CRHBP: variants seen among roughly 807,000 people sequenced by gnomAD.
The protein encoded by CRHBP is corticotropin-releasing hormone-binding protein.
A neutral mutation model predicts 34.9 loss-of-function variants in CRHBP; 19 were observed. That is an observed-to-expected ratio of 0.55 (90% confidence interval 0.38 to 0.80). The LOEUF is 0.80. CRHBP is among the 30% of genes least tolerant of loss of function. CRHBP has a pLI of 0.00. For synonymous variants in CRHBP, 154 were observed against 153.4 expected (o/e 1.00, Z -0.03); for missense variants, 328 against 409.2 (o/e 0.80, Z 1.71).
intron 6 of CRHBP, among the ~76,000 whole-genome samples, chr5:76,967,806 C>A (rs537838869): frequency 6.6e-6 from 1 of 151,710 alleles, no homozygotes; most frequent in African/African-American, 2.4e-5. Context: ...TCAAGCAATT[C>A]TTCTGCCTCA....
intron 3 of CRHBP, among the ~76,000 whole-genome samples, chr5:76,978,182 T>C (rs984972557): frequency 1.3e-5 from 2 of 152,162 alleles, no homozygotes; most frequent in African/African-American, 4.8e-5. Context: ...AGTGCTGATG[T>C]AGAAGCTGCA....
chr5:76,975,825 A>AATATATATATATATATATAT (rs1217039736), intron 2 of CRHBP, among the ~76,000 whole-genome samples: 36 of 61,640 alleles, frequency 5.8e-4, no homozygotes, highest in East Asian at 1.6e-3. Flanking sequence ...AAAAAAAAAA[A>AATATATATATATATATATAT]ATATATATAT....
intron 1 of CRHBP, 186 bp from the exon 2 acceptor site, chr5:76,953,415 G>A (rs1424774067): frequency 1.2e-6 from 1 of 848,518 alleles, no homozygotes; most frequent in Non-Finnish European, 1.9e-6. Context: ...CCTTCCTCTG[G>A]CCGCTGGGGA....
downstream of CRHBP, among the ~76,000 whole-genome samples, chr5:76,970,810 G>A (rs1022152695): frequency 6.6e-6 from 1 of 152,138 alleles, no homozygotes; most frequent in Non-Finnish European, 1.5e-5. Context: ...TTATTCCTAA[G>A]GGATTTTGCA....
At chr5:76,976,791 G>A (rs1338539852) in intron 3 of CRHBP, among the ~76,000 whole-genome samples, 2 of 152,088 alleles carry the variant, frequency 1.3e-5, no homozygotes, top group Non-Finnish European at 1.5e-5. Context: ...AATAGAGCTG[G>A]CTCCCTTAAT....
chr5:76,978,468 G>A (rs534868298), intron 3 of CRHBP, among the ~76,000 whole-genome samples: 2 of 152,240 alleles, frequency 1.3e-5, no homozygotes, highest in Non-Finnish European at 2.9e-5. Flanking sequence ...ACAAAGCCTG[G>A]ATGATAGCAC....
chr5:76,980,616 G>A (rs1746104985), intron 3 of CRHBP, among the ~76,000 whole-genome samples: 1 of 152,208 alleles, frequency 6.6e-6, no homozygotes, highest in African/African-American at 2.4e-5. Flanking sequence ...AAACTCATCT[G>A]GATGTTGCTG....
exon 3 of CRHBP, chr5:76,976,483 AG>A (rs1746037139): frequency 6.6e-6 from 1 of 152,296 alleles, no homozygotes; most frequent in Non-Finnish European, 1.5e-5. Context: ...AACAGAATGG[AG>A]AGGGAAGAAC....
chr5:76,963,743 T>G (rs527593482), intron 6 of CRHBP, among the ~76,000 whole-genome samples: 1 of 152,050 alleles, frequency 6.6e-6, no homozygotes, highest in African/African-American at 2.4e-5. Flanking sequence ...TTCTTGGGGG[T>G]CTCTGCTTTC....
chr5:76,954,078 C>T lies in CRHBP; in HGVS notation c.225C>T (p.Asp75=). 6.2e-7 allele frequency: 1 copy of T among 1,613,994 alleles called. No homozygotes were observed. Among genetic ancestry groups the T allele is most frequent in the Non-Finnish European group, 8.5e-7 (1 of 1,179,940 alleles). ...AGGGCCAGTTCACCTTCACCGCCGA[C>T]CGGCCGCAGCTGCACTGCGCAGCCT... ...SLQGQFTFTA[D]RPQLHCAAFF... is the part of the protein sequence containing the mutation. Residue 75 remains aspartate, a synonymous_variant, in exon 3 of 7, where the codon GAC becomes GAT. Coordinates refer to ENST00000274368, the MANE Select transcript of CRHBP (RefSeq NM_001882.4).
At chr5:76,958,177 G>C (rs574290406) in intron 4 of CRHBP, among the ~76,000 whole-genome samples, 52 of 151,700 alleles carry the variant, frequency 3.4e-4, no homozygotes, top group African/African-American at 1.2e-3. Context: ...AAAAAGAAAA[G>C]AAAAATACTT....
intron 4 of CRHBP, among the ~76,000 whole-genome samples, chr5:76,957,450 G>A (rs150535097): frequency 4.6e-5 from 7 of 152,142 alleles, no homozygotes; most frequent in South Asian, 4.1e-4. Flanking sequence ...GCAGTGGCAC[G>A]ATCTTGGCTC....
At chr5:76,975,825 A>AAAAAAAAAATATATATATATAT in intron 2 of CRHBP, among the ~76,000 whole-genome samples, 1 of 61,852 alleles carries the variant, frequency 1.6e-5, no homozygotes, top group African/African-American at 9.1e-5. Context: ...AAAAAAAAAA[A>AAAAAAAAAATATATATATATAT]ATATATATAT....
At chr5:76,974,395 G>A (rs1335047737), downstream of CRHBP, among the ~76,000 whole-genome samples, 9 of 150,150 alleles carry the variant, frequency 6.0e-5, no homozygotes, top group African/African-American at 2.0e-4. Context: ...TAGGTGATCC[G>A]CTGGCCTCAG....
chr5:76,957,984 C>A (rs1414249416), intron 4 of CRHBP, among the ~76,000 whole-genome samples: 5 of 151,942 alleles, frequency 3.3e-5, no homozygotes, highest in South Asian at 2.1e-4. Context: ...CGTGGTGAAA[C>A]CCTGTCTCTA....
chr5:76,954,160 G>T lies in CRHBP; in HGVS notation c.307G>T (p.Asp103Tyr). ...CATCCACTACGACCAGGTCTCCATCGACTGTCAGGGCGGCGACTTCCTGAA... is the reference window on the plus strand; with the variant it reads ...CATCCACTACGACCAGGTCTCCATCTACTGTCAGGGCGGCGACTTCCTGAA... ...ITIHYDQVSI[D>Y]CQGGDFLKVF... Residue 103 changes from aspartate to tyrosine, a missense_variant, in exon 3 of 7, where the codon GAC (aspartate) becomes TAC (tyrosine). Physicochemically the swap from Asp to Tyr is radical, Grantham distance 160. Transcript: ENST00000274368. 1 of 1,613,624 alleles carries T rather than the reference G, an allele frequency of 6.2e-7. No individual in the cohort carries two copies. Among genetic ancestry groups the T allele is most frequent in the Non-Finnish European group, 8.5e-7 (1 of 1,179,808 alleles).
rs747218625 is a variant in CRHBP at position 76,955,634 on chromosome 5, G to A, written c.334-19G>A. Reference sequence around the variant, plus strand: ...AGTTGATGGAAATGATAGCATCTATGTCTGTATTTTTTTCAAAGGTATTTG... The same window carrying A: ...AGTTGATGGAAATGATAGCATCTATATCTGTATTTTTTTCAAAGGTATTTG... On this transcript the variant is annotated intron_variant, in intron 3 of 6. Transcript: ENST00000274368. 10 of 1,611,582 alleles carry A rather than the reference G, an allele frequency of 6.2e-6. No individual in the cohort carries two copies. The highest frequency in any genetic ancestry group is 3.4e-6 in the Non-Finnish European group (4 of 1,177,914).
At chr5:76,970,887 C>A (rs1745934543), downstream of CRHBP, among the ~76,000 whole-genome samples, 1 of 152,188 alleles carries the variant, frequency 6.6e-6, no homozygotes, top group African/African-American at 2.4e-5. Flanking sequence ...ATTCTGTGGT[C>A]ATTTGTGACA....
At chr5:76,977,606 C>T (rs1454396265) in intron 3 of CRHBP, among the ~76,000 whole-genome samples, 3 of 152,160 alleles carry the variant, frequency 2.0e-5, no homozygotes, top group South Asian at 2.1e-4. Flanking sequence ...TTGACTTCTC[C>T]GCCTACTGGC....
Sources: gnomAD v4.1 joint callset for allele counts (sites outside exome capture counted in the v4.1 genomes callset) on GRCh38, gnomAD v4.1.1 for gene constraint, MANE v1.5 for transcripts, NCBI Gene and HGNC (gene_info 2026-07-23, HGNC 2026-07-21) for gene names.